TAS2R1: variants seen among roughly 807,000 people sequenced by gnomAD.
TAS2R1 encodes taste 2 receptor member 1.
For missense variants in TAS2R1, 370 were observed against 353.4 expected, an observed-to-expected ratio of 1.05 and a Z score of -0.38; for synonymous variants, 141 against 134.2, an observed-to-expected ratio of 1.05 and a Z score of -0.35.
chr5:9,813,407 T>C, the TAS2R1 span, among the ~76,000 whole-genome samples: 1 of 152,154 alleles, frequency 6.6e-6, no homozygotes, highest in Non-Finnish European at 1.5e-5. Context: ...GTCATAACTC[T>C]AGAAAAGGAT....
chr5:9,743,530 T>C, the TAS2R1 span, among the ~76,000 whole-genome samples: 2 of 152,146 alleles, frequency 1.3e-5, no homozygotes, highest in African/African-American at 4.8e-5. Context: ...CAATCAAACA[T>C]CCCATTGTTG....
chr5:9,652,900 T>A (rs1740334467), intron 2 of TAS2R1, among the ~76,000 whole-genome samples: 1 of 152,184 alleles, frequency 6.6e-6, no homozygotes, highest in African/African-American at 2.4e-5. Context: ...TCATAAAAAT[T>A]GCCATTTTAA....
chr5:9,890,724 T>G, the TAS2R1 span, among the ~76,000 whole-genome samples: 1 of 152,232 alleles, frequency 6.6e-6, no homozygotes, highest in Non-Finnish European at 1.5e-5. Flanking sequence ...TTTACATTAT[T>G]TGTTTCCTTT....
chr5:9,895,639 T>C, the TAS2R1 span, among the ~76,000 whole-genome samples: 1 of 152,256 alleles, frequency 6.6e-6, no homozygotes, highest in African/African-American at 2.4e-5. Context: ...CAGAGATCTG[T>C]TCTGTTACAA....
At chr5:9,650,472 C>T (rs749870228) in intron 2 of TAS2R1, among the ~76,000 whole-genome samples, 2 of 152,018 alleles carry the variant, frequency 1.3e-5, no homozygotes, top group Non-Finnish European at 2.9e-5. Flanking sequence ...TAGCTACAGA[C>T]CTACTACATT....
At chr5:9,827,598 G>GCACA in the TAS2R1 span, among the ~76,000 whole-genome samples, 5,710 of 147,170 alleles carry the variant, frequency 0.039, 293 homozygotes, top group African/African-American at 0.12. Context: ...GTGGTGGCAT[G>GCACA]CACACACACA....
At chr5:9,873,570 A>G in the TAS2R1 span, among the ~76,000 whole-genome samples, 1 of 152,234 alleles carries the variant, frequency 6.6e-6, no homozygotes, top group East Asian at 1.9e-4. Context: ...GAGGAGAAAT[A>G]AAAAAGGGAG....
chr5:9,872,328 A>C, the TAS2R1 span, among the ~76,000 whole-genome samples: 1 of 152,200 alleles, frequency 6.6e-6, no homozygotes, highest in Non-Finnish European at 1.5e-5. Context: ...TGGAGGATGA[A>C]TTCTCCAGAG....
At chr5:9,690,739 T>C (rs1192365550) in intron 1 of TAS2R1, among the ~76,000 whole-genome samples, 1 of 151,928 alleles carries the variant, frequency 6.6e-6, no homozygotes, top group Non-Finnish European at 1.5e-5. Flanking sequence ...TTGCTGTGCA[T>C]TGCCAACCAC....
At chr5:9,842,199 TA>T in the TAS2R1 span, among the ~76,000 whole-genome samples, 1 of 152,086 alleles carries the variant, frequency 6.6e-6, no homozygotes, top group South Asian at 2.1e-4. Context: ...GTGTGTCTCA[TA>T]ATTTTTTATT....
At chr5:9,794,903 T>C in the TAS2R1 span, among the ~76,000 whole-genome samples, 1 of 152,230 alleles carries the variant, frequency 6.6e-6, no homozygotes, top group Non-Finnish European at 1.5e-5. Context: ...ATTAATAATA[T>C]AATAATGATA....
At chr5:9,726,011 A>T in the TAS2R1 span, among the ~76,000 whole-genome samples, 272 of 150,778 alleles carry the variant, frequency 1.8e-3, 2 homozygotes, top group African/African-American at 5.9e-3. Context: ...AAACACACCA[A>T]TCAGCACCCT....
chr5:9,867,417 A>G, the TAS2R1 span, among the ~76,000 whole-genome samples: 1 of 152,158 alleles, frequency 6.6e-6, no homozygotes, highest in South Asian at 2.1e-4. Flanking sequence ...AGAGCAAAGG[A>G]ATGTCTTAAA....
At chr5:9,738,929 C>T in the TAS2R1 span, among the ~76,000 whole-genome samples, 2 of 152,042 alleles carry the variant, frequency 1.3e-5, no homozygotes, top group Non-Finnish European at 2.9e-5. Flanking sequence ...GTCAGTAATC[C>T]CCATGCCAAC....
chr5:9,819,886 T>C, the TAS2R1 span, among the ~76,000 whole-genome samples: 16 of 152,162 alleles, frequency 1.1e-4, no homozygotes, highest in East Asian at 2.7e-3. Context: ...AGCTGCAAGT[T>C]ACAAATATGC....
the TAS2R1 span, among the ~76,000 whole-genome samples, chr5:9,817,426 T>A: frequency 6.6e-6 from 1 of 152,218 alleles, no homozygotes; most frequent in Non-Finnish European, 1.5e-5. Flanking sequence ...GATTGCACAG[T>A]AAGAACTGAT....
the TAS2R1 span, among the ~76,000 whole-genome samples, chr5:9,787,156 G>C: frequency 2.0e-5 from 3 of 152,162 alleles, no homozygotes; most frequent in Non-Finnish European, 4.4e-5. Context: ...ATCATAGACA[G>C]TCAACAAATG....
chr5:9,777,853 A>T, the TAS2R1 span, among the ~76,000 whole-genome samples: 1 of 151,018 alleles, frequency 6.6e-6, no homozygotes, highest in South Asian at 2.1e-4. Context: ...CCACATCTCC[A>T]TCAGAGCTTT....
At chr5:9,812,149 C>A in the TAS2R1 span, among the ~76,000 whole-genome samples, 1 of 152,082 alleles carries the variant, frequency 6.6e-6, no homozygotes, top group Non-Finnish European at 1.5e-5. Context: ...CTTCACCCCC[C>A]TGCCCCACCC....
Sources: gnomAD v4.1 joint callset for allele counts (sites outside exome capture counted in the v4.1 genomes callset) on GRCh38, gnomAD v4.1.1 for gene constraint, MANE v1.5 for transcripts, NCBI Gene and HGNC (gene_info 2026-07-23, HGNC 2026-07-21) for gene names.